KLHDC10: variants seen among roughly 807,000 people sequenced by gnomAD.
The protein encoded by KLHDC10 is kelch domain-containing protein 10.
A neutral mutation model predicts 56.1 loss-of-function variants in KLHDC10; 24 were observed. That is an observed-to-expected ratio of 0.43 (90% CI 0.31 to 0.60). The LOEUF (loss-of-function observed/expected upper bound fraction) is 0.60, where lower values mean the gene tolerates loss of function less well. Among genes scored for constraint, KLHDC10 ranks in the 20% least tolerant of loss-of-function variants. KLHDC10 has a pLI of 0.11. For missense variants in KLHDC10, 349 were observed against 567.0 expected (o/e 0.62, Z 3.91); for synonymous variants, 188 against 207.1 (o/e 0.91, Z 0.79).
intron 1 of KLHDC10, among the ~76,000 whole-genome samples, chr7:130,096,341 A>G (rs1047323079): frequency 6.6e-6 from 1 of 152,162 alleles, no homozygotes; most frequent in African/African-American, 2.4e-5. Context: ...CTTCCTGGGA[A>G]GGCAGATGAG....
In KLHDC10 at chr7:130,116,431, C is replaced by T. The variant is rs1276442451; in HGVS notation, c.254-14C>T. ...GGTAGGACACCTGTGGAAAACTGTC[C>T]TCTTCTCTCCTAGGCCACAGACCTC... On this transcript the variant is annotated splice_polypyrimidine_tract_variant and intron_variant, in intron 2 of 9. Transcript: ENST00000335420. This position sits in a 1 kb window ranked among gnomAD's most constrained non-coding sequence, Gnocchi z 4.8. 1.2e-6 allele frequency: 2 copies of T among 1,605,500 alleles called. No individual in the cohort carries two copies. Among genetic ancestry groups the T allele is most frequent in the Non-Finnish European group, 1.7e-6 (2 of 1,175,028 alleles).
At position 130,130,974 on chromosome 7, in the gene KLHDC10, T is replaced by C. The variant is rs1156881554; in HGVS notation, c.*228T>C. On this transcript the variant is annotated 3_prime_UTR_variant, in exon 10 of 10. Transcript: ENST00000335420. The surrounding 1 kb of genome is among the most constrained non-coding windows in gnomAD (Gnocchi z 4.2). ...TTCCTCCTGACCCATTACATGCACA[T>C]GTACTCACATACTCCCTCTTCCTTC... 1 of 512,638 alleles carries C rather than the reference T, an allele frequency of 2.0e-6. No homozygotes were observed. Among genetic ancestry groups the C allele is most frequent in the East Asian group, 3.3e-5 (1 of 30,194 alleles). The allele number at this position is 512,638 out of a possible 1,614,324, so 31.8% of individuals were successfully genotyped here. A position where few individuals can be genotyped will look rare whatever the true frequency, so the allele number is the denominator to read the frequency against.
intron 1 of KLHDC10, among the ~76,000 whole-genome samples, chr7:130,079,032 T>C (rs1025283570): frequency 2.0e-5 from 3 of 152,138 alleles, no homozygotes; most frequent in Non-Finnish European, 4.4e-5. Flanking sequence ...TACTGTTTTT[T>C]TAAAGTTTTT....
intron 1 of KLHDC10, among the ~76,000 whole-genome samples, chr7:130,084,966 A>T (rs1256003587): frequency 2.6e-5 from 4 of 151,944 alleles, no homozygotes; most frequent in East Asian, 1.9e-4. Flanking sequence ...TCTTTACATT[A>T]AAAAAAATCA....
intron 3 of KLHDC10, among the ~76,000 whole-genome samples, chr7:130,117,126 T>G (rs1306058794): frequency 1.3e-5 from 2 of 152,244 alleles, no homozygotes; most frequent in Admixed American, 6.5e-5. Context: ...CTCTTTCATG[T>G]GCAATAGCAT....
At chr7:130,086,283 T>G (rs1183758932) in intron 1 of KLHDC10, among the ~76,000 whole-genome samples, 1 of 152,204 alleles carries the variant, frequency 6.6e-6, no homozygotes, top group Admixed American at 6.6e-5. Flanking sequence ...TGGGCAAGCT[T>G]GTAGAACACA....
rs532164696 is a variant in KLHDC10 at position 130,081,021 on chromosome 7, C to T, written c.166+10212C>T. Among the ~76,000 whole-genome samples the T allele has an allele frequency of 4.9e-5, 6 of 122,286 alleles. No individual in the cohort carries two copies. The East Asian group carries it at 1.2e-3, about 24-fold the overall frequency. 80.2% of individuals were successfully genotyped at this position (122,286 alleles called of 152,430 possible). A position where few individuals can be genotyped will look rare whatever the true frequency, so the allele number is the denominator to read the frequency against. On this transcript the variant is annotated intron_variant, in intron 1 of 9. Coordinates refer to ENST00000335420, the MANE Select transcript of KLHDC10 (RefSeq NM_014997.4). Reference sequence around the variant, plus strand: ...TTTCTTTTTTTTTTTTTTTTTGAGACGGAGTCTCGCTCTGTCACCCAGGCT... The same window carrying T: ...TTTCTTTTTTTTTTTTTTTTTGAGATGGAGTCTCGCTCTGTCACCCAGGCT...
At chr7:130,108,047 G>GAA (rs961950533) in intron 2 of KLHDC10, among the ~76,000 whole-genome samples, 1 of 138,870 alleles carries the variant, frequency 7.2e-6, no homozygotes, top group African/African-American at 2.7e-5. Flanking sequence ...CCTTCCCCGG[G>GAA]AAAAAAAAAA....
chr7:130,070,538 C>G lies in KLHDC10; in HGVS notation c.-106C>G, dbSNP rs906628434. 8.1e-6 allele frequency: 9 copies of G among 1,115,874 alleles called. No homozygotes were observed. Among genetic ancestry groups the G allele is most frequent in the East Asian group, 3.1e-5 (1 of 32,104 alleles). The allele number at this position is 1,115,874 out of a possible 1,614,324, so 69.1% of individuals were successfully genotyped here. On this transcript the variant is annotated 5_prime_UTR_variant, in exon 1 of 10. Coordinates refer to ENST00000335420, the MANE Select transcript of KLHDC10 (RefSeq NM_014997.4). ...TCTCTGGTGGGACCGGGCGCTGCCC[C>G]CTTCCCCTGTCTCCTGGGTCTCTGG...
At chr7:130,105,615 T>C (rs1014414403) in intron 2 of KLHDC10, among the ~76,000 whole-genome samples, 5 of 152,112 alleles carry the variant, frequency 3.3e-5, no homozygotes, top group African/African-American at 1.2e-4. Flanking sequence ...AATAAAGCTA[T>C]AAAAAGACAA....
intron 1 of KLHDC10, among the ~76,000 whole-genome samples, chr7:130,082,674 CTG>C (rs1795624936): frequency 6.6e-6 from 1 of 152,174 alleles, no homozygotes; most frequent in African/African-American, 2.4e-5. Context: ...AGAATAGACT[CTG>C]TTGTTTATAT....
chr7:130,130,392 C>T lies in KLHDC10; in HGVS notation c.1120-145C>T, dbSNP rs566616401. The T allele has an allele frequency of 6.6e-6, 4 of 610,148 alleles. No individual in the cohort carries two copies. The Admixed American group carries it at 8.4e-5, about 13-fold the overall frequency. 37.8% of individuals were successfully genotyped at this position (610,148 alleles called of 1,614,324 possible). On this transcript the variant is annotated intron_variant, in intron 9 of 9. Coordinates refer to ENST00000335420, the MANE Select transcript of KLHDC10 (RefSeq NM_014997.4). The surrounding 1 kb of genome is among the most constrained non-coding windows in gnomAD (Gnocchi z 4.2). The stretch of plus-strand genomic sequence containing the variant: ...GTAATTCATTAATTATTTAAACCCT[C>T]TTGATCTCCACATGGTATTGGGATC...
chr7:130,128,919 T>TATATATATATATATATATATATAC (rs1292651924), intron 8 of KLHDC10, among the ~76,000 whole-genome samples: 5 of 115,710 alleles, frequency 4.3e-5, no homozygotes, highest in African/African-American at 7.0e-5. Flanking sequence ...TATATATATA[T>TATATATATATATATATATATATAC]ACATACTAGC....
intron 1 of KLHDC10, among the ~76,000 whole-genome samples, chr7:130,078,184 A>G (rs916419357): frequency 6.6e-6 from 1 of 151,472 alleles, no homozygotes; most frequent in African/African-American, 2.4e-5. Context: ...CTTGGCCAAT[A>G]TGGTGAAACC....
intron 6 of KLHDC10, 62 bp downstream of exon 6, chr7:130,124,597 C>T: frequency 1.2e-6 from 1 of 825,582 alleles, no homozygotes; most frequent in Non-Finnish European, 2.1e-6. Context: ...CTTGCGTCAA[C>T]CAAGCAAGAT....
At chr7:130,117,849 CAAAAA>C (rs60800057) in intron 3 of KLHDC10, among the ~76,000 whole-genome samples, 2,216 of 73,156 alleles carry the variant, frequency 0.03, 72 homozygotes, top group African/African-American at 0.11. Flanking sequence ...GACCCTGTCT[CAAAAA>C]AAAAAAAAAA....
chr7:130,101,701 C>T (rs550461922), intron 2 of KLHDC10, among the ~76,000 whole-genome samples: 105 of 152,082 alleles, frequency 6.9e-4, no homozygotes, highest in African/African-American at 2.1e-3. Flanking sequence ...CCGGGTGCGG[C>T]GGCTCACACC....
Position 130,070,561 on chromosome 7 carries a change from T to G in KLHDC10, c.-83T>G. 8.1e-7 allele frequency: 1 copy of G among 1,230,894 alleles called. No homozygotes were observed. Among genetic ancestry groups the G allele is most frequent in the Non-Finnish European group, 1.0e-6 (1 of 973,876 alleles). 76.2% of individuals were successfully genotyped at this position (1,230,894 alleles called of 1,614,324 possible). A position where few individuals can be genotyped will look rare whatever the true frequency, so the allele number is the denominator to read the frequency against. On this transcript the variant is annotated 5_prime_UTR_variant, in exon 1 of 10. Transcript: ENST00000335420. ...CCCCTTCCCCTGTCTCCTGGGTCTC[T>G]GGAGGAGCCCAGGAAGGAGGCTCCG... is the stretch of plus-strand genomic sequence containing the variant.
At chr7:130,072,744 T>A (rs1795434913) in intron 1 of KLHDC10, among the ~76,000 whole-genome samples, 1 of 127,514 alleles carries the variant, frequency 7.8e-6, no homozygotes, top group Non-Finnish European at 1.8e-5. Context: ...ACCTTTTATT[T>A]TAAATTTATT....
Sources: gnomAD v4.1 joint callset for allele counts (sites outside exome capture counted in the v4.1 genomes callset) on GRCh38, gnomAD v4.1.1 for gene constraint, Gnocchi (gnomAD v3.1) non-coding constraint, MANE v1.5 for transcripts, NCBI Gene and HGNC (gene_info 2026-07-23, HGNC 2026-07-21) for gene names.